Variants in ELOVL6 observed in about 807,000 individuals in gnomAD.
ELOVL6 encodes the protein very long chain fatty acid elongase 6.
In ELOVL6, 8 loss-of-function variants were observed where a neutral mutation model predicts 31.7. That is an observed-to-expected ratio of 0.25 (90% CI 0.15 to 0.45). The LOEUF is 0.45. Ranked by LOEUF, ELOVL6 falls within the 20% of genes least tolerant of loss-of-function variation. The pLI, the probability that ELOVL6 is intolerant of heterozygous loss-of-function variation, is 1.00. For synonymous variants in ELOVL6, 101 were observed against 117.7 expected, an observed-to-expected ratio of 0.86 and a Z score of 0.92; for missense variants, 126 against 326.4, an observed-to-expected ratio of 0.39 and a Z score of 4.73.
chr4:110,096,495 T>A (rs1010215969), intron 2 of ELOVL6, among the ~76,000 whole-genome samples: 2 of 152,232 alleles, frequency 1.3e-5, no homozygotes, highest in African/African-American at 4.8e-5. Context: ...TTATGTCATA[T>A]AACTCCACTA....
intron 2 of ELOVL6, among the ~76,000 whole-genome samples, chr4:110,070,034 C>A (rs779947572): frequency 6.6e-6 from 1 of 152,130 alleles, no homozygotes; most frequent in Non-Finnish European, 1.5e-5. Context: ...GATGAGAACC[C>A]TTCTCCTGGA....
chr4:110,138,750 G>A (rs1017020968), intron 1 of ELOVL6, among the ~76,000 whole-genome samples: 1 of 151,692 alleles, frequency 6.6e-6, no homozygotes, highest in Admixed American at 6.6e-5. Flanking sequence ...TGGGGGGCAG[G>A]GGTGAGTCCC....
chr4:110,139,174 A>G (rs1479302905), intron 1 of ELOVL6, among the ~76,000 whole-genome samples: 1 of 152,130 alleles, frequency 6.6e-6, no homozygotes, highest in African/African-American at 2.4e-5. Flanking sequence ...ACAAAATGAA[A>G]ACGTTTTTCT....
upstream of ELOVL6, chr4:110,198,788 G>A (rs1759903759): frequency 6.3e-6 from 1 of 159,918 alleles, no homozygotes; most frequent in African/African-American, 2.4e-5. Context: ...GTGGGGGAAG[G>A]GCGCAGAGAG....
intron 1 of ELOVL6, among the ~76,000 whole-genome samples, chr4:110,176,029 T>G (rs1203484875): frequency 7.8e-6 from 1 of 127,560 alleles, no homozygotes; most frequent in East Asian, 2.7e-4. Flanking sequence ...ATTGGCATAG[T>G]GGTGAGTTAA....
rs139310917 is a variant in ELOVL6 at position 110,065,377 on chromosome 4, A to G, written c.222-5623T>C. ...CACAATGGCTCATGGCTGTAATCCT[A>G]GCACTTTGGAAGGCTGAAGTGGGTG... is the stretch of plus-strand genomic sequence containing the variant. On this transcript the variant is annotated intron_variant, in intron 2 of 3. Transcript: ENST00000302274. 4.5e-3 allele frequency among the ~76,000 whole-genome samples: 691 copies of G among 152,284 alleles called. 6 individuals carry two copies. The highest frequency in any genetic ancestry group is 0.016 in the African/African-American group (660 of 41,550).
intron 2 of ELOVL6, among the ~76,000 whole-genome samples, chr4:110,061,860 G>A (rs1018209019): frequency 1.3e-5 from 2 of 152,052 alleles, no homozygotes; most frequent in Non-Finnish European, 2.9e-5. Context: ...TACTCTACTT[G>A]CTGTTAGACT....
At chr4:110,115,580 C>T (rs1757147609) in intron 1 of ELOVL6, among the ~76,000 whole-genome samples, 1 of 150,970 alleles carries the variant, frequency 6.6e-6, no homozygotes, top group Non-Finnish European at 1.5e-5. Flanking sequence ...CCTGTCTCTA[C>T]AAAAAAAAAC....
At chr4:110,142,077 T>C (rs1471825964) in intron 1 of ELOVL6, among the ~76,000 whole-genome samples, 4 of 139,280 alleles carry the variant, frequency 2.9e-5, no homozygotes, top group Non-Finnish European at 6.2e-5. Flanking sequence ...TTTTTTTTTT[T>C]TTTTTTTTTT....
chr4:110,139,193 A>G (rs543670105), intron 1 of ELOVL6, among the ~76,000 whole-genome samples: 1 of 152,164 alleles, frequency 6.6e-6, no homozygotes, highest in Non-Finnish European at 1.5e-5. Context: ...CTTCTATGAA[A>G]GCCTAATAAG....
At chr4:110,084,086 TATATAAC>T (rs1756029634) in intron 2 of ELOVL6, among the ~76,000 whole-genome samples, 1 of 129,726 alleles carries the variant, frequency 7.7e-6, no homozygotes, top group African/African-American at 2.9e-5. Context: ...CTATATATGA[TATATAAC>T]ATATATATGA....
intron 1 of ELOVL6, among the ~76,000 whole-genome samples, chr4:110,124,886 C>T (rs1247042418): frequency 1.3e-5 from 2 of 152,026 alleles, no homozygotes; most frequent in Admixed American, 6.6e-5. Flanking sequence ...TTTTTAGGTC[C>T]AAGTTGCAAA....
chr4:110,122,459 A>T (rs1454718344), intron 1 of ELOVL6, among the ~76,000 whole-genome samples: 1 of 152,100 alleles, frequency 6.6e-6, no homozygotes, highest in African/African-American at 2.4e-5. Context: ...GCACAATCTC[A>T]GCTCACTGCA....
chr4:110,092,162 G>C (rs558868541), intron 2 of ELOVL6, among the ~76,000 whole-genome samples: 4 of 152,120 alleles, frequency 2.6e-5, no homozygotes, highest in Non-Finnish European at 5.9e-5. Context: ...AAGAGTTGCC[G>C]GTTTCAAGGA....
chr4:110,116,749 A>G (rs1039311145), intron 1 of ELOVL6, among the ~76,000 whole-genome samples: 2 of 152,064 alleles, frequency 1.3e-5, no homozygotes, highest in Non-Finnish European at 2.9e-5. Context: ...GTGGCAATGC[A>G]GTTGTTTTAT....
chr4:110,170,318 G>A (rs190440608), intron 1 of ELOVL6, among the ~76,000 whole-genome samples: 2 of 152,256 alleles, frequency 1.3e-5, no homozygotes, highest in East Asian at 1.9e-4. Flanking sequence ...ACAAGATAAA[G>A]GCTTGAACTT....
chr4:110,149,278 G>A (rs1758217150), intron 1 of ELOVL6, among the ~76,000 whole-genome samples: 1 of 152,070 alleles, frequency 6.6e-6, no homozygotes, highest in Non-Finnish European at 1.5e-5. Flanking sequence ...CCCACTGCTG[G>A]GTATACACCC....
intron 1 of ELOVL6, among the ~76,000 whole-genome samples, chr4:110,173,272 G>A (rs1416869240): frequency 6.6e-6 from 1 of 152,156 alleles, no homozygotes; most frequent in Non-Finnish European, 1.5e-5. Flanking sequence ...GGAAGCAGGT[G>A]AGATGTGATC....
At chr4:110,187,823 T>C (rs1447615396) in intron 1 of ELOVL6, among the ~76,000 whole-genome samples, 1 of 152,102 alleles carries the variant, frequency 6.6e-6, no homozygotes, top group Non-Finnish European at 1.5e-5. Context: ...CTAAAAAACC[T>C]GGAAACAAGG....
Sources: allele counts gnomAD v4.1 joint callset (sites outside exome capture counted in the v4.1 genomes callset), GRCh38; gene constraint gnomAD v4.1.1; transcripts MANE v1.5; gene names NCBI Gene and HGNC (gene_info 2026-07-23, HGNC 2026-07-21).